Variants in ADARB1 observed in about 807,000 individuals in gnomAD.
The protein encoded by ADARB1 is double-stranded RNA-specific editase 1.
Under a neutral mutation model 52.4 loss-of-function variants are expected in ADARB1, and 10 were observed. The ratio of observed to expected loss-of-function variants is 0.19; its 90% confidence interval spans 0.12 to 0.32. The LOEUF is 0.32. Among genes scored for constraint, ADARB1 ranks in the 10% least tolerant of loss-of-function variants. The pLI, the probability that ADARB1 is intolerant of heterozygous loss-of-function variation, is 1.00. For synonymous variants in ADARB1, 349 were observed against 371.1 expected, an observed-to-expected ratio of 0.94 and a Z score of 0.68; for missense variants, 643 against 922.3, an observed-to-expected ratio of 0.70 and a Z score of 3.92.
chr21:45,196,482 A>C (rs1488590937), intron 8 of ADARB1, among the ~76,000 whole-genome samples: 2 of 152,250 alleles, frequency 1.3e-5, no homozygotes, highest in East Asian at 3.8e-4. Context: ...ACTTTCCATA[A>C]AAGGAAAAAA....
At chr21:45,078,405 G>A (rs1354507518) in intron 1 of ADARB1, among the ~76,000 whole-genome samples, 3 of 152,222 alleles carry the variant, frequency 2.0e-5, no homozygotes, top group Non-Finnish European at 2.9e-5. Flanking sequence ...CCCTCAAGCG[G>A]TTCATTTTCT....
intron 1 of ADARB1, among the ~76,000 whole-genome samples, chr21:45,106,226 C>G (rs2087252453): frequency 6.8e-6 from 1 of 147,046 alleles, no homozygotes; most frequent in Non-Finnish European, 1.5e-5. Context: ...CTCTACTTGG[C>G]TATGTTGCCT....
At chr21:45,136,238 C>A (rs1009312733) in intron 2 of ADARB1, among the ~76,000 whole-genome samples, 1 of 152,140 alleles carries the variant, frequency 6.6e-6, no homozygotes, top group Non-Finnish European at 1.5e-5. Flanking sequence ...TGCCCTCGTG[C>A]GGGAATGAGT....
intron 5 of ADARB1, among the ~76,000 whole-genome samples, chr21:45,180,648 T>C (rs1228571310): frequency 1.3e-5 from 2 of 152,220 alleles, no homozygotes; most frequent in Non-Finnish European, 2.9e-5. Flanking sequence ...CCTAAGTTTG[T>C]TTTATCTGGA....
intron 5 of ADARB1, among the ~76,000 whole-genome samples, chr21:45,182,309 A>G (rs926348000): frequency 6.6e-6 from 1 of 152,212 alleles, no homozygotes; most frequent in Non-Finnish European, 1.5e-5. Context: ...ACCAGAGGAA[A>G]TGACTTCCTT....
intron 1 of ADARB1, among the ~76,000 whole-genome samples, chr21:45,101,433 C>T (rs1023977344): frequency 3.9e-5 from 6 of 152,228 alleles, no homozygotes; most frequent in Non-Finnish European, 7.4e-5. Flanking sequence ...TCTTTCGCGG[C>T]ACGTGGGAAA....
intron 2 of ADARB1, among the ~76,000 whole-genome samples, chr21:45,155,950 A>G (rs2090559177): frequency 5.0e-5 from 1 of 19,830 alleles, no homozygotes. Flanking sequence ...CCCATCATCC[A>G]TCATCCAGCC....
chr21:45,174,628 G>A (rs935318414), intron 3 of ADARB1, among the ~76,000 whole-genome samples: 7 of 152,002 alleles, frequency 4.6e-5, no homozygotes, highest in Non-Finnish European at 8.8e-5. Flanking sequence ...ACTTGAACCC[G>A]GGAGGTGGAG....
intron 8 of ADARB1, among the ~76,000 whole-genome samples, chr21:45,193,248 C>A (rs1424844379): frequency 6.6e-6 from 1 of 152,166 alleles, no homozygotes; most frequent in Non-Finnish European, 1.5e-5. Context: ...CCCAGGAATT[C>A]CAAGCTAAAT....
chr21:45,083,443 A>T (rs538810802), intron 1 of ADARB1, among the ~76,000 whole-genome samples: 2 of 152,322 alleles, frequency 1.3e-5, no homozygotes, highest in South Asian at 4.1e-4. Flanking sequence ...AAAACCATAA[A>T]GTTTGACATA....
At chr21:45,097,544 C>G (rs1011865756) in intron 1 of ADARB1, among the ~76,000 whole-genome samples, 2 of 151,838 alleles carry the variant, frequency 1.3e-5, no homozygotes, top group Admixed American at 1.3e-4. Flanking sequence ...GGAGAGCAGA[C>G]GCCGAGGGGC....
intron 2 of ADARB1, among the ~76,000 whole-genome samples, chr21:45,154,376 C>T (rs918292173): frequency 6.6e-6 from 1 of 152,058 alleles, no homozygotes; most frequent in African/African-American, 2.4e-5. Flanking sequence ...ATAAAAATAC[C>T]TTTGAAATTA....
intron 1 of ADARB1, among the ~76,000 whole-genome samples, chr21:45,125,931 CCTATT>C (rs1307775626): frequency 5.9e-5 from 9 of 152,198 alleles, no homozygotes; most frequent in African/African-American, 2.2e-4. Context: ...TTTTTTTACT[CCTATT>C]CTAGCTTGAG....
chr21:45,099,380 G>C (rs1385762123), intron 1 of ADARB1, among the ~76,000 whole-genome samples: 1 of 152,158 alleles, frequency 6.6e-6, no homozygotes, highest in Non-Finnish European at 1.5e-5. Flanking sequence ...TAATTTACAG[G>C]CTGGGCGCGG....
In ADARB1 at chr21:45,185,077, T is replaced by C; in HGVS notation, c.1551T>C (p.Ser517=). Residue 517 remains serine, a synonymous_variant, in exon 8 of 11, where the codon AGT becomes AGC. Transcript: ENST00000348831. ...QGERLLTMSC[S]DKIARWNVVG... is the part of the protein sequence containing the mutation. ...AGCGGCTGCTCACCATGTCCTGCAG[T>C]GACAAGATTGCACGGTAAGGGGCGG... 6.2e-7 allele frequency: 1 copy of C among 1,614,028 alleles called. No homozygotes were observed. The highest frequency in any genetic ancestry group is 8.5e-7 in the Non-Finnish European group (1 of 1,179,930).
Position 45,222,696 on chromosome 21 carries a change from A to G in ADARB1, c.*499A>G. On this transcript the variant is annotated 3_prime_UTR_variant, in exon 11 of 11. Coordinates refer to ENST00000348831, the MANE Select transcript of ADARB1 (RefSeq NM_001112.4). ...TGGAGGAGGGTGGGAAAATAGAGGT[A>G]GGAAATAGTAGCCTAAAGGAAATCG... 2.0e-6 allele frequency: 2 copies of G among 986,692 alleles called. No individual in the cohort carries two copies. The highest frequency in any genetic ancestry group is 2.4e-6 in the Non-Finnish European group (2 of 830,856). The allele number at this position is 986,692 out of a possible 1,614,324, so 61.1% of individuals were successfully genotyped here.
chr21:45,193,770 A>T (rs867130729), intron 8 of ADARB1, among the ~76,000 whole-genome samples: 1 of 152,254 alleles, frequency 6.6e-6, no homozygotes. Flanking sequence ...TGAAATGTGT[A>T]AAGCAATACA....
chr21:45,204,426 C>G lies in ADARB1; in HGVS notation c.1566-129C>G. ...AAATCAGTCTGTTAACTTTTTGTTG[C>G]ACTCCTTCGTCAGTTGGTTGGGATC... On this transcript the variant is annotated intron_variant, in intron 8 of 10. Coordinates refer to ENST00000348831, the MANE Select transcript of ADARB1 (RefSeq NM_001112.4). The surrounding 1 kb of genome is among the most constrained non-coding windows in gnomAD (Gnocchi z 4.4). 1 of 817,364 alleles carries G rather than the reference C, an allele frequency of 1.2e-6. No individual in the cohort carries two copies. Among genetic ancestry groups the G allele is most frequent in the South Asian group, 1.9e-5 (1 of 51,798 alleles). The allele number at this position is 817,364 out of a possible 1,614,324, so 50.6% of individuals were successfully genotyped here. A position where few individuals can be genotyped will look rare whatever the true frequency, so the allele number is the denominator to read the frequency against.
At chr21:45,090,576 T>C (rs2086522938) in intron 1 of ADARB1, among the ~76,000 whole-genome samples, 1 of 147,582 alleles carries the variant, frequency 6.8e-6, no homozygotes, top group African/African-American at 2.4e-5. Context: ...GACAGTCTTC[T>C]CTCATGAACA....
Sources: gnomAD v4.1 joint callset for allele counts (sites outside exome capture counted in the v4.1 genomes callset) on GRCh38, gnomAD v4.1.1 for gene constraint, Gnocchi (gnomAD v3.1) non-coding constraint, MANE v1.5 for transcripts, NCBI Gene and HGNC (gene_info 2026-07-23, HGNC 2026-07-21) for gene names.